Variants in MTOR observed in about 807,000 individuals in gnomAD.
The protein encoded by MTOR is serine/threonine-protein kinase mTOR.
Under a neutral mutation model 319.8 loss-of-function variants are expected in MTOR, and 70 were observed. The observed-to-expected ratio is 0.22, with a 90% CI of 0.18 to 0.27. The LOEUF is 0.27. Ranked by LOEUF, MTOR falls within the 10% of genes least tolerant of loss-of-function variation. The pLI is 1.00. For synonymous variants in MTOR, 1,183 were observed against 1,211.4 expected, an observed-to-expected ratio of 0.98 and a Z score of 0.49; for missense variants, 1,890 against 3,274.4, an observed-to-expected ratio of 0.58 and a Z score of 10.32.
chr1:11,144,604 G>A (rs1643865614), intron 34 of MTOR, 44 bp downstream of exon 34: 1 of 1,568,798 alleles, frequency 6.4e-7, no homozygotes, highest in Non-Finnish European at 8.8e-7. Flanking sequence ...GTCCTGGAAG[G>A]GGTAGGGGTA....
In MTOR at chr1:11,259,393, G is replaced by A. The variant is rs2100986687; in HGVS notation, c.17C>T (p.Pro6Leu). ...GGTGGCAGCGGTGGTGGCGGCGGCAGGTCCGGTTCCAAGCATCTTGCCCTG... is the reference window on the plus strand; with the variant it reads ...GGTGGCAGCGGTGGTGGCGGCGGCAAGTCCGGTTCCAAGCATCTTGCCCTG... MLGTG[P>L]AAATTAATTS... The change falls in exon 2 of 58, where the codon CCT becomes CTT. Residue 6 changes from proline (P) to leucine (L), a missense_variant. By Grantham distance (98) the Pro-to-Leu change is moderately conservative. Transcript: ENST00000361445. 2 of 1,579,576 alleles carry A rather than the reference G, an allele frequency of 1.3e-6. No individual in the cohort carries two copies. Among genetic ancestry groups the A allele is most frequent in the Non-Finnish European group, 1.7e-6 (2 of 1,166,548 alleles).
chr1:11,127,070 G>A lies in MTOR; in HGVS notation c.6291C>T (p.Leu2097=), dbSNP rs1642874120. ...GATAATAGAGGTCCCAGGCTTGGGT[G>A]AGGTCCTTGACATTCCCTGATTTCA... ...KYMKSGNVKD[L]TQAWDLYYHV... is the part of the protein sequence containing the mutation. The change falls in exon 45 of 58, where the codon CTC becomes CTT. Residue 2097 remains leucine, a synonymous_variant. Transcript: ENST00000361445. This position sits in a 1 kb window ranked among gnomAD's most constrained non-coding sequence, Gnocchi z 5.5. The A allele has an allele frequency of 1.9e-6, 3 of 1,614,208 alleles. No individual in the cohort carries two copies. The highest frequency in any genetic ancestry group is 2.5e-6 in the Non-Finnish European group (3 of 1,180,042).
chr1:11,162,619 G>A (rs1237684645), intron 29 of MTOR, among the ~76,000 whole-genome samples: 2 of 152,164 alleles, frequency 1.3e-5, no homozygotes, highest in East Asian at 1.9e-4. Flanking sequence ...AAGAGAGTGG[G>A]GGCCAATATT....
Position 11,107,069 on chromosome 1 carries a change from C to T in MTOR, c.*416G>A, listed in dbSNP as rs566776855. ...CTAGGATCCTAATCCATGTTCTCCACGACCTGAGGCTTCTTGGCTGTGCTG... is the reference window on the plus strand; with the variant it reads ...CTAGGATCCTAATCCATGTTCTCCATGACCTGAGGCTTCTTGGCTGTGCTG... On this transcript the variant is annotated 3_prime_UTR_variant, in exon 58 of 58. Coordinates refer to ENST00000361445, the MANE Select transcript of MTOR (RefSeq NM_004958.4). 7.5e-5 allele frequency: 103 copies of T among 1,372,404 alleles called. No homozygotes were observed. The highest frequency in any genetic ancestry group is 1.9e-4 in the Middle Eastern group (1 of 5,216). The allele number at this position is 1,372,404 out of a possible 1,614,324, so 85.0% of individuals were successfully genotyped here.
intron 29 of MTOR, among the ~76,000 whole-genome samples, chr1:11,166,620 A>G (rs1316049023): frequency 6.6e-6 from 1 of 152,226 alleles, no homozygotes; most frequent in African/African-American, 2.4e-5. Flanking sequence ...ATGTGGAGAA[A>G]TAGGAACACT....
Position 11,128,862 on chromosome 1 carries a change from C to T in MTOR, c.5804G>A (p.Trp1935Ter), listed in dbSNP as rs1380951608. The change falls in exon 41 of 58, where the codon TGG becomes TAG. Residue 1935 changes from tryptophan to a stop codon, truncating the protein, a stop_gained. Coordinates refer to ENST00000361445, the MANE Select transcript of MTOR (RefSeq NM_004958.4). LOFTEE classifies it high-confidence loss of function. This position sits in a 1 kb window ranked among gnomAD's most constrained non-coding sequence, Gnocchi z 5.3. ...EGVKAIQIDT[W>*]LQVIPQLIAR... ...GTAACCAAGTATCCTCACCTGTAGCCAGGTATCAATCTGGATGGCTTTCAC... is the reference window on the plus strand; with the variant it reads ...GTAACCAAGTATCCTCACCTGTAGCTAGGTATCAATCTGGATGGCTTTCAC... 1 of 1,613,428 alleles carries T rather than the reference C, an allele frequency of 6.2e-7. No homozygotes were observed. Among genetic ancestry groups the T allele is most frequent in the Non-Finnish European group, 8.5e-7 (1 of 1,179,622 alleles).
chr1:11,132,999 G>C, intron 38 of MTOR, 81 bp downstream of exon 38: 1 of 1,205,534 alleles, frequency 8.3e-7, no homozygotes, highest in Non-Finnish European at 1.2e-6. Context: ...CTCCGCAGAA[G>C]CTCAGCTGTA....
chr1:11,235,574 A>G (rs1647179231), intron 13 of MTOR, among the ~76,000 whole-genome samples: 1 of 152,218 alleles, frequency 6.6e-6, no homozygotes, highest in South Asian at 2.1e-4. Flanking sequence ...AAAACAAAAA[A>G]GAGTAATTTT....
At chr1:11,204,430 CTTTCTT>C (rs1646074342) in intron 26 of MTOR, 125 bp downstream of exon 26, 1 of 1,280,028 alleles carries the variant, frequency 7.8e-7, no homozygotes, top group Non-Finnish European at 1.1e-6. Flanking sequence ...TTGTCTTTCT[CTTTCTT>C]TGTATCCCAC....
Position 11,121,620 on chromosome 1 carries a change from G to C in MTOR, c.6811-252C>G, listed in dbSNP as rs755387352. Among the ~76,000 whole-genome samples, 1 of 152,212 alleles carries C rather than the reference G, an allele frequency of 6.6e-6. No individual in the cohort carries two copies. The highest frequency in any genetic ancestry group is 2.4e-5 in the African/African-American group (1 of 41,470). ...AGTTATAGGCCTTCTGTGCAGATGAGAGTACTGGAAGTTTCAAGGTTTTGG... is the reference window on the plus strand; with the variant it reads ...AGTTATAGGCCTTCTGTGCAGATGACAGTACTGGAAGTTTCAAGGTTTTGG... On this transcript the variant is annotated intron_variant, in intron 48 of 57. Coordinates refer to ENST00000361445, the MANE Select transcript of MTOR (RefSeq NM_004958.4). The surrounding 1 kb of genome is among the most constrained non-coding windows in gnomAD (Gnocchi z 4.9).
At position 11,154,068 on chromosome 1, in the gene MTOR, C is replaced by CAAAAAAAAAAAAAA. The variant is rs70977548; in HGVS notation, c.4469+3070_4469+3083dup. Among the ~76,000 whole-genome samples, 7 of 13,066 alleles carry CAAAAAAAAAAAAAA rather than the reference C, an allele frequency of 5.4e-4. 3 individuals are homozygous for CAAAAAAAAAAAAAA. The highest frequency in any genetic ancestry group is 6.9e-4 in the Non-Finnish European group (5 of 7,222). 8.6% of individuals were successfully genotyped at this position (13,066 alleles called of 152,430 possible). ...TGGGTGACAGAGTGAGACTCTGTCT[C>CAAAAAAAAAAAAAA]AAAAAAAAAAAAAAAAAAAAAAAAA... On this transcript the variant is annotated intron_variant, in intron 30 of 57. Transcript: ENST00000361445.
At chr1:11,256,278 T>C in intron 4 of MTOR, 86 bp from the exon 5 acceptor site, 8 of 1,514,318 alleles carry the variant, frequency 5.3e-6, no homozygotes, top group Non-Finnish European at 1.8e-6. Flanking sequence ...CTTAGAGCCA[T>C]ACACACCAGG....
chr1:11,253,568 G>A (rs1319382132), intron 6 of MTOR, among the ~76,000 whole-genome samples: 2 of 152,084 alleles, frequency 1.3e-5, no homozygotes, highest in African/African-American at 4.8e-5. Context: ...CTGCAAGGTA[G>A]CTCCTTCGTG....
chr1:11,165,824 A>T (rs1279314335), intron 29 of MTOR, among the ~76,000 whole-genome samples: 2 of 152,244 alleles, frequency 1.3e-5, no homozygotes, highest in Non-Finnish European at 2.9e-5. Context: ...TGGAGGCATC[A>T]CGCTACCTGA....
intron 25 of MTOR, among the ~76,000 whole-genome samples, chr1:11,208,006 A>C (rs1646194011): frequency 6.6e-6 from 1 of 152,190 alleles, no homozygotes; most frequent in African/African-American, 2.4e-5. Context: ...TTCCTAAAAT[A>C]GAGAGAACAA....
chr1:11,134,234 G>A lies in MTOR; in HGVS notation c.5246+117C>T, dbSNP rs1193124477. 7.3e-6 allele frequency: 6 copies of A among 825,164 alleles called. No homozygotes were observed. The African/African-American group carries it at 8.5e-5, about 12-fold the overall frequency. 51.1% of individuals were successfully genotyped at this position (825,164 alleles called of 1,614,324 possible). A position where few individuals can be genotyped will look rare whatever the true frequency, so the allele number is the denominator to read the frequency against. On this transcript the variant is annotated intron_variant, in intron 37 of 57. Transcript: ENST00000361445. ...GTTGCCTGGGATCCCTACTGGAAAA[G>A]GAAAGAGAGATGTCAGCAATCAGCC...
At chr1:11,155,645 T>C (rs1644292907) in intron 30 of MTOR, among the ~76,000 whole-genome samples, 1 of 152,214 alleles carries the variant, frequency 6.6e-6, no homozygotes, top group South Asian at 2.1e-4. Context: ...CTCCTCATTG[T>C]ACAGGTCCAA....
At chr1:11,184,928 G>A (rs749393907) in intron 28 of MTOR, among the ~76,000 whole-genome samples, 1 of 152,122 alleles carries the variant, frequency 6.6e-6, no homozygotes, top group Non-Finnish European at 1.5e-5. Flanking sequence ...AGCTTCTGCT[G>A]CCATTCTTCT....
At chr1:11,244,869 C>T (rs1175508557) in intron 8 of MTOR, among the ~76,000 whole-genome samples, 2 of 152,200 alleles carry the variant, frequency 1.3e-5, no homozygotes, top group Non-Finnish European at 2.9e-5. Flanking sequence ...CAATAGGCTA[C>T]ACCACAGAGC....
Sources: allele counts gnomAD v4.1 joint callset (sites outside exome capture counted in the v4.1 genomes callset), GRCh38; gene constraint gnomAD v4.1.1; non-coding constraint Gnocchi (gnomAD v3.1); transcripts MANE v1.5; gene names NCBI Gene and HGNC (gene_info 2026-07-23, HGNC 2026-07-21).